The following SSH2 variants were observed in gnomAD, a reference collection of about 807,000 sequenced individuals.
The protein encoded by SSH2 is protein phosphatase Slingshot homolog 2.
A neutral mutation model predicts 135.2 loss-of-function variants in SSH2; 37 were observed. The ratio of observed to expected loss-of-function variants is 0.27; its 90% CI spans 0.21 to 0.36. SSH2 has a LOEUF of 0.36. Ranked by LOEUF, SSH2 falls within the 10% of genes least tolerant of loss-of-function variation. The probability of loss-of-function intolerance (pLI) is 1.00; values close to 1 mark genes in which losing one functional copy is unlikely to be tolerated. For synonymous variants in SSH2, 628 were observed against 646.2 expected (o/e 0.97, Z 0.43); for missense variants, 1,408 against 1,765.3 (o/e 0.80, Z 3.63).
rs747707519 is a variant in SSH2, at chr17:29,631,159, C to T, written c.4035G>A (p.Glu1345=). 3.8e-5 allele frequency: 61 copies of T among 1,614,066 alleles called. No homozygotes were observed. The highest frequency in any genetic ancestry group is 5.0e-5 in the Non-Finnish European group (59 of 1,180,048). The part of the protein sequence containing the change: ...LENPGAPHNP[E]PTKSFVEQLT... ...GTTGTTCTACAAAAGACTTGGTGGGCTCTGGGTTGTGGGGGGCACCTGGGT... is the reference window on the plus strand; with the variant it reads ...GTTGTTCTACAAAAGACTTGGTGGGTTCTGGGTTGTGGGGGGCACCTGGGT... Residue 1345 remains glutamate (E), a synonymous_variant, in exon 16 of 16, where the codon GAG becomes GAA. Coordinates refer to ENST00000540801, the MANE Select transcript of SSH2 (RefSeq NM_001282129.2).
intron 1 of SSH2, chr17:29,856,069 A>G (rs929008603): frequency 5.8e-6 from 2 of 346,164 alleles, no homozygotes; most frequent in African/African-American, 4.4e-5. Flanking sequence ...TTAGTTATCC[A>G]GGAGCATGGG....
chr17:29,724,799 A>G (rs2039945164), intron 3 of SSH2, among the ~76,000 whole-genome samples: 1 of 151,040 alleles, frequency 6.6e-6, no homozygotes, highest in African/African-American at 2.4e-5. Context: ...CATGTTGCCC[A>G]GGCTGGTCTC....
intron 2 of SSH2, among the ~76,000 whole-genome samples, chr17:29,798,519 T>G (rs2042197289): frequency 6.6e-6 from 1 of 152,194 alleles, no homozygotes; most frequent in South Asian, 2.1e-4. Flanking sequence ...TTTTGGCATA[T>G]TTGAATTTTT....
rs60064865 is a variant in SSH2, at chr17:29,823,878, C to CAAAA, written c.144+24967_144+24970dup. ...TGGACAACAGAGTGAGACTCTGTCT[C>CAAAA]AAAAAAAAAAAAAAAAAAAAAATTC... is the stretch of plus-strand genomic sequence containing the variant. On this transcript the variant is annotated intron_variant, in intron 2 of 15. Transcript: ENST00000540801. 1.6e-3 allele frequency among the ~76,000 whole-genome samples: 137 copies of CAAAA among 85,004 alleles called. 1 individual carries two copies. The highest frequency in any genetic ancestry group is 4.9e-3 in the African/African-American group (102 of 20,708). The allele number at this position is 85,004 out of a possible 152,430, so 55.8% of individuals were successfully genotyped here.
At chr17:29,816,619 C>T (rs1327917106) in intron 2 of SSH2, among the ~76,000 whole-genome samples, 2 of 151,808 alleles carry the variant, frequency 1.3e-5, no homozygotes, top group African/African-American at 2.4e-5. Context: ...ATTCCTTGAT[C>T]TAGTTCTAGG....
At chr17:29,643,381 T>G in intron 14 of SSH2, 1 of 490,228 alleles carries the variant, frequency 2.0e-6, no homozygotes, top group Non-Finnish European at 2.6e-6. Context: ...AATGTGGCAC[T>G]TCCCTAGATC....
chr17:29,823,601 C>T (rs1018522686), intron 2 of SSH2, among the ~76,000 whole-genome samples: 1 of 151,820 alleles, frequency 6.6e-6, no homozygotes. Flanking sequence ...ACACTGGGGT[C>T]GGGTGCGGTC....
intron 2 of SSH2, among the ~76,000 whole-genome samples, chr17:29,835,959 A>C (rs1035087577): frequency 1.5e-5 from 2 of 131,880 alleles, no homozygotes; most frequent in African/African-American, 6.2e-5. Context: ...ACTTCGTCTC[A>C]AAAAAAAAAA....
chr17:29,862,934 T>C (rs114498845), intron 1 of SSH2, among the ~76,000 whole-genome samples: 11 of 152,328 alleles, frequency 7.2e-5, no homozygotes, highest in African/African-American at 2.6e-4. Context: ...CCCACTGAAG[T>C]AGGAGATCCC....
chr17:29,875,202 C>T (rs964716201), intron 1 of SSH2, among the ~76,000 whole-genome samples: 3 of 152,090 alleles, frequency 2.0e-5, no homozygotes, highest in African/African-American at 4.8e-5. Context: ...AACTATACTC[C>T]CCACTTCAAC....
intron 14 of SSH2, among the ~76,000 whole-genome samples, chr17:29,639,330 T>A (rs1307573876): frequency 6.6e-6 from 1 of 152,030 alleles, no homozygotes. Flanking sequence ...GGTCACTAAG[T>A]ATGGTCCTTG....
At chr17:29,768,651 T>C (rs1463815319) in intron 3 of SSH2, among the ~76,000 whole-genome samples, 1 of 152,198 alleles carries the variant, frequency 6.6e-6, no homozygotes, top group East Asian at 1.9e-4. Flanking sequence ...ACTTCTAATT[T>C]AGGAATATAT....
chr17:29,783,462 T>C (rs1235925072), intron 3 of SSH2, among the ~76,000 whole-genome samples: 1 of 151,732 alleles, frequency 6.6e-6, no homozygotes, highest in Non-Finnish European at 1.5e-5. Context: ...GAACTTGCAG[T>C]CCAATGTTTG....
chr17:29,892,739 T>C (rs1264797869), intron 1 of SSH2, among the ~76,000 whole-genome samples: 3 of 152,030 alleles, frequency 2.0e-5, no homozygotes, highest in African/African-American at 7.2e-5. Context: ...CACTGTAATA[T>C]TATCCAACCT....
chr17:29,853,645 A>G (rs911000202), intron 1 of SSH2, among the ~76,000 whole-genome samples: 4 of 151,844 alleles, frequency 2.6e-5, no homozygotes, highest in Non-Finnish European at 5.9e-5. Flanking sequence ...AACTAAACTG[A>G]GTTCATATCC....
At position 29,684,559 on chromosome 17, in the gene SSH2, A is replaced by G; in HGVS notation, c.479+4T>C. The G allele has an allele frequency of 6.2e-7, 1 of 1,611,754 alleles. No homozygotes were observed. Among genetic ancestry groups the G allele is most frequent in the Non-Finnish European group, 8.5e-7 (1 of 1,178,934 alleles). ...TTTCACATTTTGAAATGGTACCACC[A>G]TACCTGTCATTAGAGGAGAAATCCA... On this transcript the variant is annotated splice_donor_region_variant and intron_variant, in intron 6 of 15. Coordinates refer to ENST00000540801, the MANE Select transcript of SSH2 (RefSeq NM_001282129.2).
intron 9 of SSH2, among the ~76,000 whole-genome samples, chr17:29,668,245 T>C (rs966986056): frequency 6.6e-6 from 1 of 152,172 alleles, no homozygotes; most frequent in Non-Finnish European, 1.5e-5. Flanking sequence ...CCCCACAACC[T>C]TGGGGCTTCC....
intron 5 of SSH2, among the ~76,000 whole-genome samples, chr17:29,690,164 G>A (rs1267786919): frequency 6.6e-6 from 1 of 152,028 alleles, no homozygotes; most frequent in Non-Finnish European, 1.5e-5. Flanking sequence ...AGCACTTTGG[G>A]AAGCCAAGGC....
intron 14 of SSH2, among the ~76,000 whole-genome samples, chr17:29,638,423 C>A (rs1430744228): frequency 6.7e-6 from 1 of 149,806 alleles, no homozygotes; most frequent in Non-Finnish European, 1.5e-5. Flanking sequence ...AGGAAAAAAT[C>A]TGGAGGAACA....
Sources: gnomAD v4.1 joint callset for allele counts (sites outside exome capture counted in the v4.1 genomes callset) on GRCh38, gnomAD v4.1.1 for gene constraint, MANE v1.5 for transcripts, NCBI Gene and HGNC (gene_info 2026-07-23, HGNC 2026-07-21) for gene names.